The following SAXO1 variants were observed in gnomAD, a reference collection of about 807,000 sequenced individuals.
SAXO1 encodes stabilizer of axonemal microtubules 1.
Under a neutral mutation model 17.5 loss-of-function variants are expected in SAXO1, and 21 were observed. The ratio of observed to expected loss-of-function variants is 1.20; its 90% CI spans 0.85 to 1.72. The LOEUF is 1.72. Among genes scored for constraint, SAXO1 ranks in the 40% most tolerant of loss-of-function variants. SAXO1 has a pLI of 0.00. For synonymous variants in SAXO1, 274 were observed against 216.5 expected, an observed-to-expected ratio of 1.27 and a Z score of -2.33; for missense variants, 843 against 596.0, an observed-to-expected ratio of 1.41 and a Z score of -4.32.
At chr9:19,045,353 C>G (rs920991103) in intron 1 of SAXO1, among the ~76,000 whole-genome samples, 17 of 131,534 alleles carry the variant, frequency 1.3e-4, no homozygotes, top group Non-Finnish European at 2.5e-4. Context: ...AAAAAAGATG[C>G]AATTAGACTT....
intron 1 of SAXO1, among the ~76,000 whole-genome samples, chr9:19,024,259 C>G (rs987587705): frequency 6.6e-6 from 1 of 151,836 alleles, no homozygotes; most frequent in Admixed American, 6.6e-5. Flanking sequence ...GGCAGCCGCA[C>G]TAAACCCCAA....
chr9:19,005,275 T>G (rs1245012835), intron 1 of SAXO1, among the ~76,000 whole-genome samples: 1 of 152,064 alleles, frequency 6.6e-6, no homozygotes, highest in Non-Finnish European at 1.5e-5. Context: ...AAAATCCTAT[T>G]CTGAAGTTCA....
At chr9:18,993,935 CTCAGGTACCTGGCTT>C in intron 1 of SAXO1, among the ~76,000 whole-genome samples, 1 of 152,322 alleles carries the variant, frequency 6.6e-6, no homozygotes, top group Non-Finnish European at 1.5e-5. Flanking sequence ...TAGCACATAA[CTCAGGTACCTGGCTT>C]TCAAGAGGTT....
chr9:19,028,063 C>G (rs937558502), intron 1 of SAXO1: 2 of 1,611,722 alleles, frequency 1.2e-6, no homozygotes, highest in Non-Finnish European at 1.7e-6. Context: ...GGAGCTCACC[C>G]ACGAGGACTA....
intron 1 of SAXO1, among the ~76,000 whole-genome samples, chr9:18,982,309 G>A (rs968276183): frequency 6.6e-6 from 1 of 152,170 alleles, no homozygotes; most frequent in Non-Finnish European, 1.5e-5. Context: ...GAATTTCAAT[G>A]TCACATTTCT....
At chr9:18,984,576 G>T (rs1039927106) in intron 1 of SAXO1, among the ~76,000 whole-genome samples, 4 of 152,170 alleles carry the variant, frequency 2.6e-5, no homozygotes, top group Non-Finnish European at 4.4e-5. Flanking sequence ...CTTAAACCTT[G>T]TGAACCAACT....
chr9:18,942,797 T>C (rs1436299029), intron 2 of SAXO1, among the ~76,000 whole-genome samples: 1 of 152,192 alleles, frequency 6.6e-6, no homozygotes, highest in Non-Finnish European at 1.5e-5. Context: ...TGTGTTGCCC[T>C]CCAGGGCACT....
chr9:19,020,080 G>A (rs2131014817), intron 1 of SAXO1, among the ~76,000 whole-genome samples: 1 of 149,392 alleles, frequency 6.7e-6, no homozygotes, highest in Non-Finnish European at 1.5e-5. Flanking sequence ...GTCTGACAAA[G>A]CAAAAGTCCA....
intron 1 of SAXO1, among the ~76,000 whole-genome samples, chr9:19,043,848 A>T (rs1461213726): frequency 6.6e-6 from 1 of 152,186 alleles, no homozygotes; most frequent in African/African-American, 2.4e-5. Flanking sequence ...AAAAATAACT[A>T]AAAGAGTATA....
At chr9:18,929,459 A>G (rs746386113) in intron 3 of SAXO1, among the ~76,000 whole-genome samples, 2 of 152,180 alleles carry the variant, frequency 1.3e-5, no homozygotes, top group Admixed American at 6.5e-5. Flanking sequence ...ATGTAGTGAG[A>G]TAGAAAATTC....
At chr9:18,935,511 C>T (rs1831246831) in intron 3 of SAXO1, among the ~76,000 whole-genome samples, 1 of 152,190 alleles carries the variant, frequency 6.6e-6, no homozygotes, top group Non-Finnish European at 1.5e-5. Context: ...TAGCCTTGCC[C>T]ATGTGCACAG....
chr9:19,023,602 G>C (rs986187980), intron 1 of SAXO1, among the ~76,000 whole-genome samples: 2 of 152,126 alleles, frequency 1.3e-5, no homozygotes, highest in African/African-American at 2.4e-5. Flanking sequence ...GCCACTTCTC[G>C]TAGTCAATCA....
chr9:19,005,580 A>C (rs750145355), intron 1 of SAXO1, among the ~76,000 whole-genome samples: 19 of 152,366 alleles, frequency 1.2e-4, no homozygotes, highest in Admixed American at 2.0e-4. Flanking sequence ...ATCCACACAC[A>C]GAAGAATGAA....
intron 1 of SAXO1, among the ~76,000 whole-genome samples, chr9:18,991,803 A>G (rs1042756127): frequency 4.6e-5 from 7 of 152,310 alleles, no homozygotes; most frequent in Non-Finnish European, 7.4e-5. Flanking sequence ...CTGCCAGTCC[A>G]CAGAAAAATT....
upstream of SAXO1, among the ~76,000 whole-genome samples, chr9:19,033,619 T>C (rs868836577): frequency 2.0e-5 from 3 of 152,212 alleles, no homozygotes; most frequent in Non-Finnish European, 2.9e-5. Flanking sequence ...TTAGAATTGC[T>C]CTCACCCACA....
At chr9:18,965,108 G>C (rs1051148606) in intron 1 of SAXO1, among the ~76,000 whole-genome samples, 1 of 152,226 alleles carries the variant, frequency 6.6e-6, no homozygotes, top group African/African-American at 2.4e-5. Context: ...TGATTGCACT[G>C]TGGCCTGAGA....
intron 3 of SAXO1, among the ~76,000 whole-genome samples, chr9:18,933,652 T>C (rs1007540009): frequency 1.3e-5 from 2 of 152,226 alleles, no homozygotes; most frequent in African/African-American, 2.4e-5. Flanking sequence ...TCACTAGATA[T>C]GAAATTCTTG....
At chr9:18,946,071 G>C (rs1218891223) in intron 2 of SAXO1, among the ~76,000 whole-genome samples, 1 of 152,112 alleles carries the variant, frequency 6.6e-6, no homozygotes, top group Non-Finnish European at 1.5e-5. Flanking sequence ...GATGTCAGGA[G>C]TATGAGACCA....
chr9:19,041,149 A>T (rs1836068758), intron 1 of SAXO1, among the ~76,000 whole-genome samples: 1 of 144,872 alleles, frequency 6.9e-6, no homozygotes, highest in South Asian at 2.2e-4. Flanking sequence ...ACCTGCCAAC[A>T]GTGAACAATC....
Sources: gnomAD v4.1 joint callset for allele counts (sites outside exome capture counted in the v4.1 genomes callset) on GRCh38, gnomAD v4.1.1 for gene constraint, MANE v1.5 for transcripts, NCBI Gene and HGNC (gene_info 2026-07-23, HGNC 2026-07-21) for gene names.